The following RMND1 variants were observed in gnomAD, a reference collection of about 807,000 sequenced individuals.
RMND1 encodes the protein required for meiotic nuclear division 1 homolog, also known as required for meiotic nuclear division protein 1 homolog.
RMND1 carries 41 observed loss-of-function variants against 54.0 expected under a neutral mutation model. That is an observed-to-expected ratio of 0.76 (90% CI 0.59 to 0.98). RMND1 has a LOEUF of 0.98. Among genes scored for constraint, RMND1 ranks in the 50% least tolerant of loss-of-function variants. RMND1 has a pLI of 0.00. For missense variants in RMND1, 457 were observed against 532.0 expected (o/e 0.86, Z 1.39); for synonymous variants, 183 against 181.7 (o/e 1.01, Z -0.06).
chr6:151,415,758 A>G (rs1035042535), intron 10 of RMND1, among the ~76,000 whole-genome samples: 1 of 145,338 alleles, frequency 6.9e-6, no homozygotes, highest in African/African-American at 2.6e-5. Context: ...GAGCCACTGC[A>G]CTCCAGCCTG....
At chr6:151,436,059 C>T (rs1186938146) in intron 3 of RMND1, among the ~76,000 whole-genome samples, 2 of 150,672 alleles carry the variant, frequency 1.3e-5, no homozygotes, top group African/African-American at 4.9e-5. Context: ...GAGCTGAGAT[C>T]GCGCCATTGC....
intron 2 of RMND1, among the ~76,000 whole-genome samples, chr6:151,441,283 C>T (rs1474676570): frequency 6.6e-6 from 1 of 152,152 alleles, no homozygotes; most frequent in Non-Finnish European, 1.5e-5. Context: ...TGATATAATA[C>T]ATTTACATTT....
intron 8 of RMND1, among the ~76,000 whole-genome samples, chr6:151,422,317 T>C (rs1314519136): frequency 2.0e-5 from 3 of 152,172 alleles, no homozygotes; most frequent in Non-Finnish European, 2.9e-5. Context: ...TTAGGTAATC[T>C]AGAGATGGTT....
At chr6:151,422,486 T>C (rs948303120) in intron 8 of RMND1, 55 bp downstream of exon 8, 16 of 910,878 alleles carry the variant, frequency 1.8e-5, no homozygotes, top group Middle Eastern at 2.4e-4. Flanking sequence ...GGGAAATTCA[T>C]ATTTTTTACA....
At chr6:151,436,624 C>A in intron 2 of RMND1, 70 bp from the exon 3 acceptor site, 1 of 1,470,236 alleles carries the variant, frequency 6.8e-7, no homozygotes, top group Non-Finnish European at 9.4e-7. Flanking sequence ...TGCTGAGCAC[C>A]CTACTGGACT....
intron 10 of RMND1, among the ~76,000 whole-genome samples, chr6:151,414,478 G>C (rs1352425869): frequency 6.6e-6 from 1 of 151,980 alleles, no homozygotes; most frequent in African/African-American, 2.4e-5. Flanking sequence ...AATATCAAGA[G>C]GTATCTGAGG....
At chr6:151,412,991 C>T (rs1239029039) in intron 10 of RMND1, among the ~76,000 whole-genome samples, 3 of 147,244 alleles carry the variant, frequency 2.0e-5, no homozygotes, top group Non-Finnish European at 4.5e-5. Context: ...TAAACCATAT[C>T]ACTCCCCTAC....
At chr6:151,408,007 A>G (rs1346296190) in intron 10 of RMND1, among the ~76,000 whole-genome samples, 1 of 152,166 alleles carries the variant, frequency 6.6e-6, no homozygotes, top group Non-Finnish European at 1.5e-5. Context: ...GGGAGCAAAG[A>G]AAAAACCAGG....
intron 6 of RMND1, among the ~76,000 whole-genome samples, chr6:151,426,802 T>A (rs1436753046): frequency 1.3e-5 from 2 of 152,054 alleles, no homozygotes; most frequent in Non-Finnish European, 2.9e-5. Flanking sequence ...GGAGTTTCAC[T>A]CTTGTCACCC....
At chr6:151,436,622 AC>A in intron 2 of RMND1, 68 bp from the exon 3 acceptor site, 1 of 1,469,660 alleles carries the variant, frequency 6.8e-7, no homozygotes, top group Non-Finnish European at 9.4e-7. Flanking sequence ...GCTGCTGAGC[AC>A]CCTACTGGAC....
rs367704721 is a variant in RMND1, at chr6:151,445,416, C to T, written c.396G>A (p.Thr132=). ...ILKRHFSSVS[T]ETFVPKQDFP... is the part of the protein sequence containing the mutation. ...AGTCTTGTTTTGGAACAAATGTTTCCGTTGATACAGATGAGAAATGCCTCT... is the reference window on the plus strand; with the variant it reads ...AGTCTTGTTTTGGAACAAATGTTTCTGTTGATACAGATGAGAAATGCCTCT... The change falls in exon 2 of 12, where the codon ACG becomes ACA. Residue 132 remains threonine (T), a synonymous_variant. Transcript: ENST00000444024. 27 of 1,613,920 alleles carry T rather than the reference C, an allele frequency of 1.7e-5. No homozygotes were observed. Among genetic ancestry groups the T allele is most frequent in the South Asian group, 9.9e-5 (9 of 91,078 alleles).
At chr6:151,446,057 G>A (rs1780944229) in intron 1 of RMND1, 1 of 427,722 alleles carries the variant, frequency 2.3e-6, no homozygotes, top group Non-Finnish European at 4.2e-6. Context: ...TAAAGCTACT[G>A]ACATAACAAG....
chr6:151,452,043 G>C lies in RMND1; in HGVS notation c.-42C>G, dbSNP rs993655137. ...CTCCGCCGGAAGAGAAGAAGGAAGC[G>C]CCAGGGACGCACGCTTCCTCGGCAG... On this transcript the variant is annotated 5_prime_UTR_variant, in exon 1 of 12. Transcript: ENST00000444024. The C allele has an allele frequency of 3.1e-5, 5 of 161,796 alleles. No individual in the cohort carries two copies. In the South Asian group the frequency reaches 6.8e-4, roughly 22 times the overall value. The allele number at this position is 161,796 out of a possible 1,614,324, so 10.0% of individuals were successfully genotyped here.
chr6:151,417,089 G>C (rs1361473898), intron 10 of RMND1, 190 bp downstream of exon 10: 10 of 515,374 alleles, frequency 1.9e-5, no homozygotes, highest in Non-Finnish European at 3.0e-5. Context: ...ACCTTATCTA[G>C]TCTGTAGAGC....
At chr6:151,434,402 AACTGTGATTTTTTT>A (rs1202368581) in intron 3 of RMND1, among the ~76,000 whole-genome samples, 1 of 143,112 alleles carries the variant, frequency 7.0e-6, no homozygotes, top group Non-Finnish European at 1.5e-5. Flanking sequence ...CACAGACCAA[AACTGTGATTTTTTT>A]TTTTTTTCTA....
intron 1 of RMND1, among the ~76,000 whole-genome samples, chr6:151,447,083 A>G (rs966033533): frequency 6.6e-6 from 1 of 152,174 alleles, no homozygotes; most frequent in East Asian, 1.9e-4. Context: ...GCATTGTCAC[A>G]GAGGTGACAT....
intron 1 of RMND1, among the ~76,000 whole-genome samples, chr6:151,448,914 T>TA (rs1394706068): frequency 6.6e-6 from 1 of 151,706 alleles, no homozygotes; most frequent in African/African-American, 2.4e-5. Flanking sequence ...CCGTGTCTAC[T>TA]AAAAATACAA....
intron 1 of RMND1, among the ~76,000 whole-genome samples, chr6:151,449,985 A>G (rs1048149652): frequency 6.6e-6 from 1 of 152,096 alleles, no homozygotes; most frequent in African/African-American, 2.4e-5. Context: ...CAGTGGCGTG[A>G]TCGAGGCTCG....
chr6:151,448,064 C>CCT (rs993471675), intron 1 of RMND1, among the ~76,000 whole-genome samples: 32 of 152,230 alleles, frequency 2.1e-4, no homozygotes, highest in African/African-American at 7.7e-4. Flanking sequence ...GATCCACCTG[C>CCT]CTTGGCCTCC....
Sources: gnomAD v4.1 joint callset for allele counts (sites outside exome capture counted in the v4.1 genomes callset) on GRCh38, gnomAD v4.1.1 for gene constraint, MANE v1.5 for transcripts, NCBI Gene and HGNC (gene_info 2026-07-23, HGNC 2026-07-21) for gene names.